STXBP5L: variants seen among roughly 807,000 people sequenced by gnomAD.
STXBP5L encodes syntaxin binding protein 5L, also known as syntaxin-binding protein 5-like.
In STXBP5L, 65 loss-of-function variants were observed where a neutral mutation model predicts 144.5. That is an observed-to-expected ratio of 0.45 (90% confidence interval 0.37 to 0.55). The LOEUF is 0.55. Among genes scored for constraint, STXBP5L ranks in the 20% least tolerant of loss-of-function variants. STXBP5L has a pLI of 0.00. For synonymous variants in STXBP5L, 505 were observed against 469.6 expected (o/e 1.08, Z -0.97); for missense variants, 1,298 against 1,405.5 (o/e 0.92, Z 1.22).
At chr3:120,916,240 G>T (rs1335178727) in intron 2 of STXBP5L, among the ~76,000 whole-genome samples, 2 of 152,068 alleles carry the variant, frequency 1.3e-5, no homozygotes, top group Non-Finnish European at 2.9e-5. Flanking sequence ...TCAATATAAT[G>T]AATTTGAAAT....
intron 20 of STXBP5L, among the ~76,000 whole-genome samples, chr3:121,369,773 T>C (rs2045974786): frequency 6.6e-6 from 1 of 152,204 alleles, no homozygotes; most frequent in Non-Finnish European, 1.5e-5. Flanking sequence ...TTTAAAATAG[T>C]TTCATTCATT....
rs1344836592 is a variant in STXBP5L at position 121,300,741 on chromosome 3, A to G, written c.2111-17734A>G. ...TAACAGTAAACAAACAAAAAAAAGA[A>G]CTGAGGGGACAAACTGAAAACAATT... On this transcript the variant is annotated intron_variant, in intron 19 of 26. Coordinates refer to ENST00000471454, the MANE Select transcript of STXBP5L (RefSeq NM_001308330.2). Among the ~76,000 whole-genome samples, 4 of 152,092 alleles carry G rather than the reference A, an allele frequency of 2.6e-5. No homozygotes were observed. In the South Asian group the frequency reaches 8.3e-4, roughly 32 times the overall value.
intron 2 of STXBP5L, among the ~76,000 whole-genome samples, chr3:120,926,164 C>G (rs560954730): frequency 6.6e-6 from 1 of 152,078 alleles, no homozygotes; most frequent in South Asian, 2.1e-4. Context: ...GGGTTTTATG[C>G]TTTCCCATGT....
rs575980312 is a variant in STXBP5L, at chr3:121,172,025, C to A, written c.877+14398C>A. On this transcript the variant is annotated intron_variant, in intron 9 of 26. Transcript: ENST00000471454. ...TGATATATAGACCAATGGAACAGAA[C>A]CAAGGCCTCAGAAATAGCACGACAC... is the stretch of plus-strand genomic sequence containing the variant. Among the ~76,000 whole-genome samples, 7 of 152,244 alleles carry A rather than the reference C, an allele frequency of 4.6e-5. No individual in the cohort carries two copies. The South Asian group carries it at 1.5e-3, about 32-fold the overall frequency.
chr3:121,386,991 T>C (rs912907367), intron 22 of STXBP5L, among the ~76,000 whole-genome samples: 1 of 152,138 alleles, frequency 6.6e-6, no homozygotes, highest in African/African-American at 2.4e-5. Context: ...CTGTCTTCCA[T>C]AATGGTTGAA....
chr3:121,206,025 A>C (rs778552865), intron 10 of STXBP5L, 24 bp downstream of exon 10: 2 of 1,392,730 alleles, frequency 1.4e-6, no homozygotes, highest in East Asian at 5.2e-5. Flanking sequence ...CTTTAGGGAA[A>C]GAGGGATACG....
chr3:121,260,565 G>C (rs2050351446), intron 18 of STXBP5L, among the ~76,000 whole-genome samples: 1 of 151,872 alleles, frequency 6.6e-6, no homozygotes, highest in South Asian at 2.1e-4. Context: ...TCTTTGATCT[G>C]TCTGGAATTT....
chr3:121,020,603 T>C (rs1319403795), intron 3 of STXBP5L, among the ~76,000 whole-genome samples: 8 of 152,188 alleles, frequency 5.3e-5, no homozygotes, highest in Admixed American at 5.2e-4. Flanking sequence ...TTGGTTCCTA[T>C]CTTTAGTTTC....
Position 121,053,380 on chromosome 3 carries a change from G to A in STXBP5L, c.470+7845G>A, listed in dbSNP as rs556520813. 2.9e-3 allele frequency among the ~76,000 whole-genome samples: 437 copies of A among 152,242 alleles called. 4 individuals are homozygous for A. Among genetic ancestry groups the A allele is most frequent in the South Asian group, 5.6e-3 (27 of 4,826 alleles). On this transcript the variant is annotated intron_variant, in intron 5 of 26. Transcript: ENST00000471454. ...CAGTAACCAAAACAGCATGGTACTG[G>A]TACCAAAACAGAGATATAGATCAAT...
At chr3:121,120,492 A>G (rs903635575) in intron 6 of STXBP5L, among the ~76,000 whole-genome samples, 12 of 151,336 alleles carry the variant, frequency 7.9e-5, no homozygotes, top group South Asian at 2.1e-4. Flanking sequence ...AATGCACACT[A>G]TGTTTTGCCA....
chr3:120,950,886 G>A (rs545979556), intron 2 of STXBP5L, among the ~76,000 whole-genome samples: 83 of 152,122 alleles, frequency 5.5e-4, no homozygotes, highest in African/African-American at 1.9e-3. Flanking sequence ...GAGGCATCAC[G>A]CTACCTGACT....
At chr3:121,356,430 C>T (rs1218100693) in intron 20 of STXBP5L, among the ~76,000 whole-genome samples, 1 of 152,238 alleles carries the variant, frequency 6.6e-6, no homozygotes, top group Admixed American at 6.5e-5. Context: ...GCTGCCACCT[C>T]ACAGCTCAAT....
chr3:121,413,053 AAAAG>A, intron 23 of STXBP5L, 101 bp from the exon 24 acceptor site: 3 of 970,968 alleles, frequency 3.1e-6, no homozygotes, highest in Middle Eastern at 4.9e-4. Flanking sequence ...TAAAAAAATA[AAAAG>A]AAACAACCAT....
chr3:121,112,870 A>T (rs1378291917), intron 5 of STXBP5L, among the ~76,000 whole-genome samples: 1 of 152,176 alleles, frequency 6.6e-6, no homozygotes, highest in African/African-American at 2.4e-5. Flanking sequence ...GGTATTGACT[A>T]ATCATATATT....
chr3:121,375,310 A>T (rs920965166), intron 20 of STXBP5L, among the ~76,000 whole-genome samples: 10 of 152,224 alleles, frequency 6.6e-5, no homozygotes, highest in Non-Finnish European at 1.5e-4. Context: ...GGCACATTAT[A>T]GTCAGAATCC....
intron 3 of STXBP5L, among the ~76,000 whole-genome samples, chr3:120,964,906 A>G (rs918927643): frequency 3.0e-4 from 45 of 152,142 alleles, no homozygotes; most frequent in African/African-American, 1.0e-3. Context: ...GTGGGAGTCT[A>G]AGTCTCTTTG....
chr3:121,310,381 C>T (rs1227999072), intron 19 of STXBP5L, among the ~76,000 whole-genome samples: 9 of 152,112 alleles, frequency 5.9e-5, no homozygotes, highest in South Asian at 2.1e-4. Flanking sequence ...GAGGCCGAGG[C>T]GGGTGGATCA....
At chr3:120,939,259 A>C (rs1023788800) in intron 2 of STXBP5L, among the ~76,000 whole-genome samples, 3 of 152,204 alleles carry the variant, frequency 2.0e-5, no homozygotes, top group Admixed American at 6.5e-5. Flanking sequence ...GATTGTATAC[A>C]TATAGACTTC....
At chr3:121,303,359 AT>A (rs1054998473) in intron 19 of STXBP5L, among the ~76,000 whole-genome samples, 12 of 152,098 alleles carry the variant, frequency 7.9e-5, no homozygotes, top group Non-Finnish European at 1.3e-4. Flanking sequence ...AATGGCAATC[AT>A]TAAAAAGTCA....
Sources: gnomAD v4.1 joint callset for allele counts (sites outside exome capture counted in the v4.1 genomes callset) on GRCh38, gnomAD v4.1.1 for gene constraint, MANE v1.5 for transcripts, NCBI Gene and HGNC (gene_info 2026-07-23, HGNC 2026-07-21) for gene names.